Variants in RAB11FIP3 observed in about 807,000 individuals in gnomAD.
The protein encoded by RAB11FIP3 is rab11 family-interacting protein 3.
RAB11FIP3 carries 17 observed loss-of-function variants against 77.8 expected under a neutral mutation model. The ratio of observed to expected loss-of-function variants is 0.22; its 90% CI spans 0.15 to 0.33. The LOEUF (loss-of-function observed/expected upper bound fraction) is 0.33, where lower values mean the gene tolerates loss of function less well. RAB11FIP3 is among the 10% of genes least tolerant of loss of function. The probability of loss-of-function intolerance (pLI) is 1.00; values close to 1 mark genes in which losing one functional copy is unlikely to be tolerated. For synonymous variants in RAB11FIP3, 437 were observed against 448.2 expected, an observed-to-expected ratio of 0.98 and a Z score of 0.31; for missense variants, 1,005 against 1,011.2, an observed-to-expected ratio of 0.99 and a Z score of 0.08.
chr16:476,737 A>T (rs1033365486), intron 3 of RAB11FIP3, among the ~76,000 whole-genome samples: 1 of 149,858 alleles, frequency 6.7e-6, no homozygotes, highest in Non-Finnish European at 1.5e-5. Flanking sequence ...AGATTGCGCC[A>T]CTGCACTCCA....
chr16:516,413 C>T (rs954547759), intron 9 of RAB11FIP3, among the ~76,000 whole-genome samples: 1 of 152,300 alleles, frequency 6.6e-6, no homozygotes, highest in Middle Eastern at 3.4e-3. Flanking sequence ...CACTAAAAAC[C>T]CCCCATGAGC....
At position 442,603 on chromosome 16, in the gene RAB11FIP3, A is replaced by G. The variant is rs115078278; in HGVS notation, c.714+15883A>G. Among the ~76,000 whole-genome samples the G allele has an allele frequency of 6.0e-3, 913 of 151,954 alleles. 9 individuals are homozygous for G. The highest frequency in any genetic ancestry group is 0.021 in the African/African-American group (864 of 41,426). The stretch of plus-strand genomic sequence containing the variant: ...ATCCAGGGTGGTCAGGCAGGGGTGA[A>G]TTGTCTTTCGGTGTCATGCTACTTT... On this transcript the variant is annotated intron_variant, in intron 1 of 13. Coordinates refer to ENST00000262305, the MANE Select transcript of RAB11FIP3 (RefSeq NM_014700.4).
At chr16:433,762 A>G (rs2055080980) in intron 1 of RAB11FIP3, among the ~76,000 whole-genome samples, 1 of 151,282 alleles carries the variant, frequency 6.6e-6, no homozygotes, top group South Asian at 2.1e-4. Flanking sequence ...AGGCTGAGGC[A>G]GGAGAATGGC....
In RAB11FIP3 at chr16:435,981, C is replaced by G. The variant is rs1364180223; in HGVS notation, c.714+9261C>G. ...TTGGAGAAATGCATATTAGAAAATG[C>G]CTGTAATTCCTGCTTCTTGGAGAAG... On this transcript the variant is annotated intron_variant, in intron 1 of 13. Coordinates refer to ENST00000262305, the MANE Select transcript of RAB11FIP3 (RefSeq NM_014700.4). Among the ~76,000 whole-genome samples the G allele has an allele frequency of 2.6e-5, 4 of 152,144 alleles. No individual in the cohort carries two copies. The East Asian group carries it at 7.8e-4, about 29-fold the overall frequency.
rs2054932702 is a variant in RAB11FIP3 at position 426,003 on chromosome 16, G to T, written c.-4G>T. ...CCCTTCCGCACCACTAGCCTCTCGG[G>T]AGCATGGCGTCGGCCCCGCCGGCCT... On this transcript the variant is annotated 5_prime_UTR_variant, in exon 1 of 14. The change creates a premature stop within an existing upstream ORF in the 5' untranslated region. Coordinates refer to ENST00000262305, the MANE Select transcript of RAB11FIP3 (RefSeq NM_014700.4). The surrounding 1 kb of genome is among the most constrained non-coding windows in gnomAD (Gnocchi z 5.0). 6 of 985,904 alleles carry T rather than the reference G, an allele frequency of 6.1e-6. No homozygotes were observed. The highest frequency in any genetic ancestry group is 7.2e-6 in the Non-Finnish European group (6 of 830,450). 61.1% of individuals were successfully genotyped at this position (985,904 alleles called of 1,614,324 possible).
chr16:510,021 C>T (rs774884019), intron 8 of RAB11FIP3, among the ~76,000 whole-genome samples: 16 of 152,232 alleles, frequency 1.1e-4, no homozygotes, highest in African/African-American at 2.7e-4. Context: ...GGCACCTCCA[C>T]GCCCCGTCCC....
In RAB11FIP3 at chr16:520,806, G is replaced by A. The variant is rs755276742; in HGVS notation, c.2238G>A (p.Met746Ile). Reference sequence around the variant, plus strand: ...TCGACAGGATCATCGTGGCCATCATGGAGACCAACCCGTCCATCCTGGAGG... The same window carrying A: ...TCGACAGGATCATCGTGGCCATCATAGAGACCAACCCGTCCATCCTGGAGG... Reference protein sequence around the residue: ...DYIDRIIVAIMETNPSILEVK With the variant: ...DYIDRIIVAIIETNPSILEVK Residue 746 changes from methionine (M) to isoleucine (I), a missense_variant, in exon 14 of 14, where the codon ATG becomes ATA. Coordinates refer to ENST00000262305, the MANE Select transcript of RAB11FIP3 (RefSeq NM_014700.4). The A allele has an allele frequency of 5.0e-6, 8 of 1,613,622 alleles. No individual in the cohort carries two copies. In the Admixed American group the frequency reaches 5.0e-5, roughly 10 times the overall value.
At chr16:477,655 C>T (rs183934352) in intron 3 of RAB11FIP3, 44 of 985,450 alleles carry the variant, frequency 4.5e-5, no homozygotes, top group Middle Eastern at 1.0e-3. Context: ...TGCCCAGGGA[C>T]GGTGAGTAGC....
chr16:492,425 C>CCCTGGGAGA (rs2030511213), intron 5 of RAB11FIP3, among the ~76,000 whole-genome samples: 1 of 43,226 alleles, frequency 2.3e-5, no homozygotes. Flanking sequence ...CCAGGGCCCT[C>CCCTGGGAGA]CCCGGGAGAC....
At chr16:499,317 C>T (rs1365337236) in intron 6 of RAB11FIP3, among the ~76,000 whole-genome samples, 2 of 152,226 alleles carry the variant, frequency 1.3e-5, no homozygotes, top group African/African-American at 2.4e-5. Flanking sequence ...CCCGCTTCAT[C>T]AAGTCTTTTA....
chr16:457,571 A>G (rs921653631), intron 1 of RAB11FIP3, among the ~76,000 whole-genome samples: 2 of 150,888 alleles, frequency 1.3e-5, no homozygotes, highest in African/African-American at 4.9e-5. Context: ...AATTAGAACT[A>G]TCCCCAAATC....
intron 5 of RAB11FIP3, among the ~76,000 whole-genome samples, chr16:492,525 G>A (rs2030647342): frequency 2.0e-5 from 3 of 149,852 alleles, no homozygotes; most frequent in South Asian, 2.1e-4. Flanking sequence ...CCTCCCGGGA[G>A]ACCCGAGGCC....
chr16:490,989 C>A, intron 5 of RAB11FIP3: 1 of 744,042 alleles, frequency 1.3e-6, no homozygotes, highest in Non-Finnish European at 1.8e-6. Context: ...AAGGCAAGAG[C>A]CAGAACATTG....
At position 431,015 on chromosome 16, in the gene RAB11FIP3, A is replaced by G. The variant is rs558154904; in HGVS notation, c.714+4295A>G. 3.2e-4 allele frequency among the ~76,000 whole-genome samples: 48 copies of G among 152,238 alleles called. 1 individual carries two copies. The highest frequency in any genetic ancestry group is 2.7e-3 in the Admixed American group (41 of 15,274). The stretch of plus-strand genomic sequence containing the variant: ...TGGCATCGCCTTTTATTTGCCCTGT[A>G]TCATTTCCAGTCTCTTAGCCTTGAA... On this transcript the variant is annotated intron_variant, in intron 1 of 13. Coordinates refer to ENST00000262305, the MANE Select transcript of RAB11FIP3 (RefSeq NM_014700.4).
At chr16:442,994 C>T (rs2055251994) in intron 1 of RAB11FIP3, among the ~76,000 whole-genome samples, 1 of 152,102 alleles carries the variant, frequency 6.6e-6, no homozygotes, top group South Asian at 2.1e-4. Context: ...AAATGAAAAG[C>T]CCTTTTATGA....
In RAB11FIP3 at chr16:518,956, G is replaced by C. The variant is rs771611236; in HGVS notation, c.1654G>C (p.Asp552His). The change falls in exon 10 of 14, where the codon GAC becomes CAC. Residue 552 changes from aspartate to histidine, a missense_variant. By Grantham distance (81) the Asp-to-His change is moderately conservative. This residue lies in a region of RAB11FIP3 where 433 missense variants were observed against 436.1 expected (regional missense o/e 0.99). Transcript: ENST00000262305. Reference sequence around the variant, plus strand: ...CTTGTGTCCCAGGCTACAGCAACTGGACGAGGAGAACAGTGAACTCCGGTC... The same window carrying C: ...CTTGTGTCCCAGGCTACAGCAACTGCACGAGGAGAACAGTGAACTCCGGTC... ...ENLQTRLQQL[D>H]EENSELRSCT... 6.2e-7 allele frequency: 1 copy of C among 1,613,610 alleles called. No homozygotes were observed. Among genetic ancestry groups the C allele is most frequent in the African/African-American group, 1.3e-5 (1 of 74,920 alleles).
At chr16:494,571 G>A (rs1031181011) in intron 5 of RAB11FIP3, among the ~76,000 whole-genome samples, 17 of 151,882 alleles carry the variant, frequency 1.1e-4, no homozygotes, top group African/African-American at 1.7e-4. Flanking sequence ...GCAGTGAGCC[G>A]AGATCATGCC....
At chr16:479,831 T>C (rs2055997706) in intron 3 of RAB11FIP3, among the ~76,000 whole-genome samples, 1 of 151,984 alleles carries the variant, frequency 6.6e-6, no homozygotes, top group South Asian at 2.1e-4. Flanking sequence ...GGTGGGAGGA[T>C]CACTTGAGCC....
intron 1 of RAB11FIP3, among the ~76,000 whole-genome samples, chr16:436,263 C>T (rs980529806): frequency 1.1e-3 from 161 of 152,132 alleles, no homozygotes; most frequent in African/African-American, 3.7e-3. Context: ...GAGCCAAGAT[C>T]GCGCCACCGC....
Sources: allele counts gnomAD v4.1 joint callset (sites outside exome capture counted in the v4.1 genomes callset), GRCh38; gene constraint gnomAD v4.1.1; regional missense constraint gnomAD v4.1.1; non-coding constraint Gnocchi (gnomAD v3.1); transcripts MANE v1.5; gene names NCBI Gene and HGNC (gene_info 2026-07-23, HGNC 2026-07-21).